SLIT2: variants seen among roughly 807,000 people sequenced by gnomAD.
SLIT2 encodes slit guidance ligand 2, also known as slit homolog 2 protein.
A neutral mutation model predicts 185.7 loss-of-function variants in SLIT2; 41 were observed. The observed-to-expected ratio is 0.22, with a 90% confidence interval of 0.17 to 0.29. The LOEUF (loss-of-function observed/expected upper bound fraction) is 0.29. Ranked by LOEUF, SLIT2 falls within the 10% of genes least tolerant of loss-of-function variation. SLIT2 has a pLI of 1.00. For synonymous variants in SLIT2, 693 were observed against 680.2 expected (o/e 1.02, Z -0.29); for missense variants, 1,571 against 1,909.0 (o/e 0.82, Z 3.30).
intron 11 of SLIT2, among the ~76,000 whole-genome samples, chr4:20,512,751 T>C (rs1719869098): frequency 6.6e-6 from 1 of 152,176 alleles, no homozygotes; most frequent in Admixed American, 6.5e-5. Context: ...TCCACAATTT[T>C]GGTCCTCAAA....
intron 4 of SLIT2, among the ~76,000 whole-genome samples, chr4:20,360,005 A>T (rs556336329): frequency 6.6e-6 from 1 of 152,122 alleles, no homozygotes; most frequent in South Asian, 2.1e-4. Context: ...CACAGTGGAG[A>T]AATGGTATGG....
At chr4:20,361,744 A>C (rs568509534) in intron 4 of SLIT2, among the ~76,000 whole-genome samples, 3 of 152,106 alleles carry the variant, frequency 2.0e-5, no homozygotes, top group Admixed American at 6.6e-5. Context: ...ACAATTTTGC[A>C]TAAGAAATGT....
intron 4 of SLIT2, among the ~76,000 whole-genome samples, chr4:20,417,546 A>G (rs111856985): frequency 1.3e-5 from 2 of 150,726 alleles, no homozygotes; most frequent in African/African-American, 4.9e-5. Flanking sequence ...GTATATATAT[A>G]GAGTCTTGCT....
At position 20,553,759 on chromosome 4, in the gene SLIT2, G is replaced by GTGTA. The variant is rs1723992929; in HGVS notation, c.2562-43_2562-42insATGT. 5 of 1,190,286 alleles carry GTGTA rather than the reference G, an allele frequency of 4.2e-6. No individual in the cohort carries two copies. The African/African-American group carries it at 6.9e-5, about 16-fold the overall frequency. 73.7% of individuals were successfully genotyped at this position (1,190,286 alleles called of 1,614,324 possible). On this transcript the variant is annotated intron_variant, in intron 25 of 36. Coordinates refer to ENST00000504154, the MANE Select transcript of SLIT2 (RefSeq NM_004787.4). ...CTTGTGTGTGTGTGTGTGTGTGTAT[G>GTGTA]TGTGTGTGTGTATGTGTGTGTGCTT... is the stretch of plus-strand genomic sequence containing the variant.
chr4:20,338,109 G>C, intron 4 of SLIT2, among the ~76,000 whole-genome samples: 1 of 152,140 alleles, frequency 6.6e-6, no homozygotes, highest in East Asian at 1.9e-4. Context: ...GATTTTTTTG[G>C]TATATTTAAA....
At chr4:20,280,443 CT>C (rs201948154) in intron 4 of SLIT2, among the ~76,000 whole-genome samples, 5 of 151,290 alleles carry the variant, frequency 3.3e-5, no homozygotes, top group Non-Finnish European at 5.9e-5. Context: ...AAGATACTGG[CT>C]TTTTTTTGAG....
chr4:20,493,366 A>G (rs1450309279), intron 9 of SLIT2, among the ~76,000 whole-genome samples: 1 of 152,240 alleles, frequency 6.6e-6, no homozygotes, highest in African/African-American at 2.4e-5. Context: ...AAATTTTCTC[A>G]TAAGGGAACT....
At chr4:20,432,313 A>T (rs1729054891) in intron 4 of SLIT2, among the ~76,000 whole-genome samples, 1 of 152,142 alleles carries the variant, frequency 6.6e-6, no homozygotes, top group African/African-American at 2.4e-5. Flanking sequence ...GACTAATAGG[A>T]TTAGGGGCGT....
At chr4:20,461,735 G>T (rs1222234744) in intron 4 of SLIT2, among the ~76,000 whole-genome samples, 1 of 152,192 alleles carries the variant, frequency 6.6e-6, no homozygotes, top group Non-Finnish European at 1.5e-5. Flanking sequence ...GAGAACTCCA[G>T]AGTTTTTGGT....
intron 1 of SLIT2, among the ~76,000 whole-genome samples, chr4:20,256,428 A>G (rs1320699312): frequency 1.3e-5 from 2 of 152,186 alleles, no homozygotes; most frequent in African/African-American, 2.4e-5. Context: ...AACAAACGAA[A>G]ACTTTTTTGT....
At chr4:20,266,292 C>T (rs715213) in intron 3 of SLIT2, among the ~76,000 whole-genome samples, 7,720 of 151,894 alleles carry the variant, frequency 0.051, 326 homozygotes, top group African/African-American at 0.12. Flanking sequence ...AGCTGTTACT[C>T]ACTTATATCT....
At chr4:20,446,183 G>A (rs1004236517) in intron 4 of SLIT2, among the ~76,000 whole-genome samples, 1 of 152,184 alleles carries the variant, frequency 6.6e-6, no homozygotes, top group Non-Finnish European at 1.5e-5. Context: ...CCCACTTAAG[G>A]CAGTTTGTCT....
At chr4:20,435,556 G>C (rs912607977) in intron 4 of SLIT2, among the ~76,000 whole-genome samples, 3 of 152,196 alleles carry the variant, frequency 2.0e-5, no homozygotes, top group African/African-American at 7.2e-5. Flanking sequence ...GAGTGGTTGA[G>C]AAGGGCCACA....
chr4:20,535,692 A>C (rs1722208928), intron 18 of SLIT2, among the ~76,000 whole-genome samples: 1 of 152,164 alleles, frequency 6.6e-6, no homozygotes, highest in South Asian at 2.1e-4. Context: ...GCTTGTAAAC[A>C]GTCACCTTCT....
At chr4:20,547,677 G>A (rs867907696) in intron 22 of SLIT2, among the ~76,000 whole-genome samples, 13 of 150,184 alleles carry the variant, frequency 8.7e-5, no homozygotes, top group African/African-American at 2.9e-4. Flanking sequence ...ATTATAAATG[G>A]TGAATATATA....
chr4:20,455,107 T>C (rs1477429950), intron 4 of SLIT2, among the ~76,000 whole-genome samples: 2 of 152,170 alleles, frequency 1.3e-5, no homozygotes, highest in African/African-American at 4.8e-5. Flanking sequence ...GATACACATA[T>C]GTGGTGATAG....
At chr4:20,348,320 C>A (rs1317091279) in intron 4 of SLIT2, among the ~76,000 whole-genome samples, 1 of 152,070 alleles carries the variant, frequency 6.6e-6, no homozygotes, top group Non-Finnish European at 1.5e-5. Context: ...CTCATTGCAA[C>A]CTCCACTTCC....
chr4:20,289,340 T>C (rs999306847), intron 4 of SLIT2, among the ~76,000 whole-genome samples: 2 of 152,180 alleles, frequency 1.3e-5, no homozygotes, highest in African/African-American at 4.8e-5. Context: ...AAAAAATCTG[T>C]GTATGACCCA....
chr4:20,292,375 T>C lies in SLIT2; in HGVS notation c.395+23494T>C, dbSNP rs550202726. Among the ~76,000 whole-genome samples the C allele has an allele frequency of 1.1e-4, 17 of 152,292 alleles. No homozygotes were observed. The East Asian group carries it at 3.3e-3, about 29-fold the overall frequency. On this transcript the variant is annotated intron_variant, in intron 4 of 36. Transcript: ENST00000504154. The stretch of plus-strand genomic sequence containing the variant: ...AGTATTTTCTTTTGTAAAATGAAAG[T>C]AATATTAATTAATTCATAGATTTGT...
Sources: allele counts gnomAD v4.1 joint callset (sites outside exome capture counted in the v4.1 genomes callset), GRCh38; gene constraint gnomAD v4.1.1; transcripts MANE v1.5; gene names NCBI Gene and HGNC (gene_info 2026-07-23, HGNC 2026-07-21).